The following KALRN variants were observed in gnomAD, a reference collection of about 807,000 sequenced individuals.
KALRN encodes the protein kalirin.
A neutral mutation model predicts 353.7 loss-of-function variants in KALRN; 70 were observed. That is an observed-to-expected ratio of 0.20 (90% CI 0.16 to 0.24). The LOEUF (loss-of-function observed/expected upper bound fraction) is 0.24, where lower values mean the gene tolerates loss of function less well. Among genes scored for constraint, KALRN ranks in the 10% least tolerant of loss-of-function variants. The pLI is 1.00. For missense variants in KALRN, 2,791 were observed against 3,756.7 expected (o/e 0.74, Z 6.72); for synonymous variants, 1,391 against 1,434.8 (o/e 0.97, Z 0.69).
intron 1 of KALRN, among the ~76,000 whole-genome samples, chr3:124,144,447 C>A (rs1344266664): frequency 1.3e-5 from 2 of 152,136 alleles, no homozygotes; most frequent in African/African-American, 4.8e-5. Context: ...ATCTCCCCTT[C>A]CAGGTATGCA....
chr3:124,630,376 A>G (rs1219208079), intron 34 of KALRN, among the ~76,000 whole-genome samples: 1 of 129,634 alleles, frequency 7.7e-6, no homozygotes, highest in East Asian at 2.7e-4. Context: ...TGAAAGGCCC[A>G]GTAGTGTTTG....
chr3:124,510,453 A>G (rs960029766), intron 33 of KALRN, among the ~76,000 whole-genome samples: 3 of 152,206 alleles, frequency 2.0e-5, no homozygotes, highest in Admixed American at 2.0e-4. Context: ...GAGTCACATC[A>G]TGGCAGATGC....
chr3:124,504,570 A>T lies in KALRN; in HGVS notation c.4935+8157A>T, dbSNP rs73860514. Among the ~76,000 whole-genome samples the T allele has an allele frequency of 3.9e-3, 593 of 152,340 alleles. 9 individuals are homozygous for T. Among genetic ancestry groups the T allele is most frequent in the African/African-American group, 0.014 (563 of 41,588 alleles). On this transcript the variant is annotated intron_variant, in intron 33 of 59. Transcript: ENST00000682506. ...AAATTACAAAGTGGTTCTGTAGCCC[A>T]GTCCAGGGGCTTCAGGGTTGGCATG... is the stretch of plus-strand genomic sequence containing the variant.
intron 9 of KALRN, among the ~76,000 whole-genome samples, chr3:124,338,519 G>A (rs564317259): frequency 1.1e-4 from 17 of 152,106 alleles, no homozygotes; most frequent in South Asian, 2.1e-4. Flanking sequence ...TATTATTTCC[G>A]TTCTTTTGCA....
chr3:124,412,743 A>T lies in KALRN; in HGVS notation c.2347-727A>T, dbSNP rs575564000. Among the ~76,000 whole-genome samples the T allele has an allele frequency of 1.1e-3, 173 of 152,242 alleles. 1 individual carries two copies. The highest frequency in any genetic ancestry group is 2.0e-3 in the Non-Finnish European group (137 of 68,044). On this transcript the variant is annotated intron_variant, in intron 13 of 59. Coordinates refer to ENST00000682506, the MANE Select transcript of KALRN (RefSeq NM_001388419.1). ...TAGAATCATTAATGCCTTTCAATTG[A>T]TTAAATCTGCTTGAATTCCTGGAGG...
chr3:124,659,766 G>C (rs1480611676), intron 43 of KALRN, among the ~76,000 whole-genome samples: 1 of 151,708 alleles, frequency 6.6e-6, no homozygotes, highest in African/African-American at 2.4e-5. Flanking sequence ...AAAATAAGAA[G>C]AATATGATAT....
At chr3:124,398,943 G>T in intron 13 of KALRN, 72 bp downstream of exon 13, 1 of 1,481,638 alleles carries the variant, frequency 6.7e-7, no homozygotes, top group South Asian at 1.3e-5. Context: ...CTGCCCCAGG[G>T]GCAGGGCAGT....
intron 1 of KALRN, among the ~76,000 whole-genome samples, chr3:124,084,293 A>C (rs1055003848): frequency 6.6e-6 from 1 of 152,184 alleles, no homozygotes; most frequent in African/African-American, 2.4e-5. Context: ...TCTTTAGTGC[A>C]CAGGTGTTGT....
chr3:124,600,976 G>A (rs759775552), intron 34 of KALRN, among the ~76,000 whole-genome samples: 10 of 152,144 alleles, frequency 6.6e-5, no homozygotes, highest in Admixed American at 1.3e-4. Flanking sequence ...GTGCTCATGC[G>A]TCATTTTCTC....
chr3:124,235,394 A>G (rs1246476779), intron 3 of KALRN, among the ~76,000 whole-genome samples: 1 of 152,232 alleles, frequency 6.6e-6, no homozygotes. Context: ...AAAAAGATCT[A>G]AAAAGGCTCC....
chr3:124,549,250 G>A (rs2070125093), intron 33 of KALRN, among the ~76,000 whole-genome samples: 1 of 151,674 alleles, frequency 6.6e-6, no homozygotes, highest in Admixed American at 6.6e-5. Context: ...TCTTGCCACT[G>A]CCAACTGAAA....
intron 48 of KALRN, among the ~76,000 whole-genome samples, chr3:124,673,948 C>T (rs973495110): frequency 6.6e-6 from 1 of 152,084 alleles, no homozygotes; most frequent in Non-Finnish European, 1.5e-5. Context: ...TCAAACAATC[C>T]GTGTTCTTTC....
chr3:124,624,130 G>T (rs1350155438), intron 34 of KALRN, among the ~76,000 whole-genome samples: 3 of 152,210 alleles, frequency 2.0e-5, no homozygotes, highest in Admixed American at 1.3e-4. Flanking sequence ...ACTCCGTCCT[G>T]CCCAGGATGT....
chr3:124,680,777 T>C (rs1271663621), intron 51 of KALRN, among the ~76,000 whole-genome samples: 3 of 152,210 alleles, frequency 2.0e-5, no homozygotes, highest in Non-Finnish European at 4.4e-5. Flanking sequence ...CCCCTGTAGA[T>C]GTGGGTATTA....
chr3:124,568,483 C>T (rs1376161103), intron 34 of KALRN, among the ~76,000 whole-genome samples: 1 of 152,176 alleles, frequency 6.6e-6, no homozygotes, highest in Non-Finnish European at 1.5e-5. Context: ...ATCATATCAT[C>T]TAGCAATCCA....
At chr3:124,053,312 T>A (rs1336948888) in intron 1 of KALRN, among the ~76,000 whole-genome samples, 1 of 152,180 alleles carries the variant, frequency 6.6e-6, no homozygotes, top group Non-Finnish European at 1.5e-5. Context: ...AGGACAAAAT[T>A]GGAGATAGGA....
At chr3:124,698,650 GA>G (rs1361751711) in intron 55 of KALRN, among the ~76,000 whole-genome samples, 1 of 152,214 alleles carries the variant, frequency 6.6e-6, no homozygotes, top group East Asian at 1.9e-4. Context: ...GCTAGCACTA[GA>G]ACCCAGATGT....
intron 1 of KALRN, among the ~76,000 whole-genome samples, chr3:124,037,160 C>T (rs902279717): frequency 9.8e-5 from 15 of 152,344 alleles, no homozygotes; most frequent in African/African-American, 3.1e-4. Context: ...CTGCTGTCCA[C>T]GGTGCTGTGG....
chr3:124,249,465 G>A (rs2070809031), intron 3 of KALRN, among the ~76,000 whole-genome samples: 1 of 152,158 alleles, frequency 6.6e-6, no homozygotes, highest in Non-Finnish European at 1.5e-5. Flanking sequence ...GGTCTGCCAG[G>A]CCAACTCTTT....
Sources: gnomAD v4.1 joint callset for allele counts (sites outside exome capture counted in the v4.1 genomes callset) on GRCh38, gnomAD v4.1.1 for gene constraint, MANE v1.5 for transcripts, NCBI Gene and HGNC (gene_info 2026-07-23, HGNC 2026-07-21) for gene names.